The following FANCC variants were observed in gnomAD, a reference collection of about 807,000 sequenced individuals.
FANCC encodes Fanconi anemia group C protein.
A neutral mutation model predicts 71.3 loss-of-function variants in FANCC; 55 were observed. The observed-to-expected ratio is 0.77, with a 90% CI of 0.62 to 0.97. The LOEUF is 0.97. FANCC is among the 50% of genes least tolerant of loss of function. FANCC has a pLI of 0.00. For missense variants in FANCC, 678 were observed against 670.9 expected (o/e 1.01, Z -0.12); for synonymous variants, 275 against 244.9 (o/e 1.12, Z -1.15).
At chr9:95,253,320 A>G (rs910345925) in intron 1 of FANCC, among the ~76,000 whole-genome samples, 4 of 152,174 alleles carry the variant, frequency 2.6e-5, no homozygotes, top group Admixed American at 1.3e-4. Flanking sequence ...CCTGTTGGGC[A>G]TATCTGACCC....
rs114612660 is a variant in FANCC, at chr9:95,101,047, G to A, written c.*660C>T. ...AACACATCCTCTACCTTCGCCTGCC[G>A]GCTCCTCTGATGTCCCAAGGGCCTT... On this transcript the variant is annotated 3_prime_UTR_variant, in exon 15 of 15. Transcript: ENST00000289081. 82 of 233,938 alleles carry A rather than the reference G, an allele frequency of 3.5e-4. No individual in the cohort carries two copies. Among genetic ancestry groups the A allele is most frequent in the African/African-American group, 1.0e-3 (46 of 45,442 alleles). 14.5% of individuals were successfully genotyped at this position (233,938 alleles called of 1,614,324 possible).
intron 3 of FANCC, among the ~76,000 whole-genome samples, chr9:95,241,811 C>T (rs1351093857): frequency 6.6e-6 from 1 of 152,108 alleles, no homozygotes; most frequent in Non-Finnish European, 1.5e-5. Context: ...AGGTGTGTGC[C>T]ACCACACCCG....
At chr9:95,293,940 C>T in intron 1 of FANCC, 2 of 1,588,466 alleles carry the variant, frequency 1.3e-6, no homozygotes. Context: ...ACATTATAAG[C>T]AACAGTTTAG....
At chr9:95,218,053 C>T (rs1828985895) in intron 4 of FANCC, among the ~76,000 whole-genome samples, 1 of 152,002 alleles carries the variant, frequency 6.6e-6, no homozygotes, top group East Asian at 1.9e-4. Context: ...AAACAGAGAA[C>T]CTGAATAGAA....
intron 8 of FANCC, among the ~76,000 whole-genome samples, chr9:95,128,516 A>G (rs376794206): frequency 1.2e-4 from 18 of 152,360 alleles, no homozygotes; most frequent in African/African-American, 4.3e-4. Flanking sequence ...TTCAATACTA[A>G]TTATAGGGAT....
At chr9:95,307,438 GAAT>G (rs1196042410) in intron 1 of FANCC, among the ~76,000 whole-genome samples, 23 of 152,118 alleles carry the variant, frequency 1.5e-4, no homozygotes, top group Admixed American at 1.4e-3. Flanking sequence ...TACTGCTCAA[GAAT>G]AATAATAACC....
intron 4 of FANCC, among the ~76,000 whole-genome samples, chr9:95,223,300 T>C (rs1829397544): frequency 6.6e-6 from 1 of 152,190 alleles, no homozygotes; most frequent in Non-Finnish European, 1.5e-5. Context: ...CTCCCTACAC[T>C]TCTGGGGCTT....
At chr9:95,278,803 C>T (rs1024715776) in intron 1 of FANCC, among the ~76,000 whole-genome samples, 2 of 4,412 alleles carry the variant, frequency 4.5e-4, no homozygotes, top group East Asian at 8.6e-3. Context: ...AATTATTCTA[C>T]GGCAAACTCT....
chr9:95,216,417 T>C (rs551612845), intron 4 of FANCC, among the ~76,000 whole-genome samples: 33 of 152,296 alleles, frequency 2.2e-4, no homozygotes, highest in Admixed American at 6.5e-4. Flanking sequence ...TCTTAGGAGA[T>C]TGATAAAAAT....
rs77138330 is a variant in FANCC at position 95,202,240 on chromosome 9, G to A, written c.346-30093C>T. Among the ~76,000 whole-genome samples, 243 of 152,374 alleles carry A rather than the reference G, an allele frequency of 1.6e-3. 3 individuals are homozygous for A. Among genetic ancestry groups the A allele is most frequent in the East Asian group, 0.015 (80 of 5,190 alleles). On this transcript the variant is annotated intron_variant, in intron 4 of 14. Transcript: ENST00000289081. The stretch of plus-strand genomic sequence containing the variant: ...GGTGCTGCTGGCTGGGAAGAGAACT[G>A]GGGAAACTGCCCCAGTAGAGGTGGA...
At chr9:95,262,744 G>A (rs749327342) in intron 1 of FANCC, among the ~76,000 whole-genome samples, 8 of 152,186 alleles carry the variant, frequency 5.3e-5, no homozygotes, top group African/African-American at 1.9e-4. Flanking sequence ...AAGGATACAC[G>A]AAGTGTGGCA....
intron 1 of FANCC, among the ~76,000 whole-genome samples, chr9:95,296,667 T>C (rs1314537168): frequency 1.3e-5 from 2 of 152,210 alleles, no homozygotes; most frequent in East Asian, 3.8e-4. Flanking sequence ...TGTATTCAGT[T>C]AGCCAAACAA....
chr9:95,158,788 G>A (rs1054710593), intron 6 of FANCC, among the ~76,000 whole-genome samples: 5 of 152,194 alleles, frequency 3.3e-5, no homozygotes, highest in Non-Finnish European at 5.9e-5. Context: ...CTCTGCCCGA[G>A]GGATGTTGAT....
intron 1 of FANCC, among the ~76,000 whole-genome samples, chr9:95,256,303 T>C (rs982525708): frequency 6.6e-6 from 1 of 152,194 alleles, no homozygotes; most frequent in African/African-American, 2.4e-5. Context: ...AAAGGTCGGG[T>C]TACCCACAAA....
chr9:95,267,491 A>G (rs905729704), intron 1 of FANCC, among the ~76,000 whole-genome samples: 2 of 152,206 alleles, frequency 1.3e-5, no homozygotes, highest in African/African-American at 4.8e-5. Context: ...GCGAAAAATG[A>G]CTGAATGAGT....
chr9:95,279,543 G>A (rs921364500), intron 1 of FANCC, among the ~76,000 whole-genome samples: 11 of 151,084 alleles, frequency 7.3e-5, no homozygotes, highest in Non-Finnish European at 1.6e-4. Flanking sequence ...TTAAAAGAGC[G>A]TAATAAAAGG....
At chr9:95,274,473 C>A (rs1425247472) in intron 1 of FANCC, among the ~76,000 whole-genome samples, 1 of 152,146 alleles carries the variant, frequency 6.6e-6, no homozygotes. Flanking sequence ...GTGAACAGTG[C>A]TGCAATAAAC....
chr9:95,241,346 C>T lies in FANCC; in HGVS notation c.251-603G>A, dbSNP rs4647437. Among the ~76,000 whole-genome samples the T allele has an allele frequency of 3.2e-3, 483 of 152,312 alleles. 9 individuals are homozygous for T. In the East Asian group the frequency reaches 0.044, roughly 14 times the overall value. On this transcript the variant is annotated intron_variant, in intron 3 of 14. Transcript: ENST00000289081. ...TAGAAGTCTCTTACATGCTCTTTTA[C>T]TCTAAAATGTAAATCTTTATAAAAC...
chr9:95,256,600 C>T (rs943010033), intron 1 of FANCC, among the ~76,000 whole-genome samples: 2 of 152,158 alleles, frequency 1.3e-5, no homozygotes, highest in African/African-American at 4.8e-5. Flanking sequence ...ATTGTAAAGA[C>T]TATCGACTCT....
Sources: allele counts gnomAD v4.1 joint callset (sites outside exome capture counted in the v4.1 genomes callset), GRCh38; gene constraint gnomAD v4.1.1; transcripts MANE v1.5; gene names NCBI Gene and HGNC (gene_info 2026-07-23, HGNC 2026-07-21).